Variants in RNF150 observed in about 807,000 individuals in gnomAD.
The protein encoded by RNF150 is ring finger protein 150.
A neutral mutation model predicts 39.3 loss-of-function variants in RNF150; 24 were observed. The ratio of observed to expected loss-of-function variants is 0.61; its 90% CI spans 0.44 to 0.86. The LOEUF is 0.86. Ranked by LOEUF, RNF150 falls within the 40% of genes least tolerant of loss-of-function variation. The pLI is 0.00. For missense variants in RNF150, 502 were observed against 587.8 expected (o/e 0.85, Z 1.51); for synonymous variants, 255 against 227.3 (o/e 1.12, Z -1.10).
chr4:140,913,875 A>G (rs1390518460), intron 5 of RNF150, among the ~76,000 whole-genome samples: 1 of 152,206 alleles, frequency 6.6e-6, no homozygotes, highest in Non-Finnish European at 1.5e-5. Context: ...GATTTGAGAA[A>G]ATACTTGAAA....
intron 2 of RNF150, among the ~76,000 whole-genome samples, chr4:140,953,186 G>T (rs1732608167): frequency 6.6e-6 from 1 of 152,176 alleles, no homozygotes; most frequent in South Asian, 2.1e-4. Flanking sequence ...TCAACATCAA[G>T]TCTATGAGGC....
At chr4:141,006,068 CAA>C (rs370503215) in intron 1 of RNF150, among the ~76,000 whole-genome samples, 8 of 57,676 alleles carry the variant, frequency 1.4e-4, no homozygotes, top group Non-Finnish European at 2.2e-4. Flanking sequence ...GACTCCGTCT[CAA>C]AAAAAAAAAA....
At chr4:141,210,645 GT>G (rs980139964) in intron 1 of RNF150, among the ~76,000 whole-genome samples, 10 of 151,762 alleles carry the variant, frequency 6.6e-5, no homozygotes, top group Non-Finnish European at 1.3e-4. Context: ...TGGCCCCATT[GT>G]TTTTTTTAAA....
At chr4:141,151,057 ATCT>A (rs1727288486) in intron 1 of RNF150, among the ~76,000 whole-genome samples, 1 of 151,952 alleles carries the variant, frequency 6.6e-6, no homozygotes, top group South Asian at 2.1e-4. Flanking sequence ...CTCCTGCCTC[ATCT>A]TCTCAAGCAG....
At chr4:141,032,346 A>G (rs1578651967) in intron 1 of RNF150, among the ~76,000 whole-genome samples, 1 of 152,150 alleles carries the variant, frequency 6.6e-6, no homozygotes, top group African/African-American at 2.4e-5. Flanking sequence ...AGAAGGAGTA[A>G]GTTCTGGTGA....
rs1728565365 is a variant in RNF150, at chr4:140,863,342, A to G, written c.*4919T>C. On this transcript the variant is annotated 3_prime_UTR_variant, in exon 7 of 7. Transcript: ENST00000515673. ...GCCTGAAAACATGGCAATGGTTGTA[A>G]GATGGGTTGCGATACAACTGGTGAT... The G allele has an allele frequency of 6.6e-6, 1 of 152,228 alleles. No homozygotes were observed. The highest frequency in any genetic ancestry group is 6.5e-5 in the Admixed American group (1 of 15,288). 9.4% of individuals were successfully genotyped at this position (152,228 alleles called of 1,614,324 possible). A position where few individuals can be genotyped will look rare whatever the true frequency, so the allele number is the denominator to read the frequency against.
chr4:141,030,582 A>C (rs116037840), intron 1 of RNF150, among the ~76,000 whole-genome samples: 413 of 152,326 alleles, frequency 2.7e-3, no homozygotes, highest in African/African-American at 9.6e-3. Flanking sequence ...TGAATAGATA[A>C]AATGTGGTTT....
chr4:141,144,124 A>G (rs1727163844), intron 1 of RNF150, among the ~76,000 whole-genome samples: 1 of 134,040 alleles, frequency 7.5e-6, no homozygotes, highest in African/African-American at 2.8e-5. Context: ...GCTGGGGGAA[A>G]AAAAACCCAC....
At chr4:141,175,224 G>C (rs1727789758) in intron 1 of RNF150, among the ~76,000 whole-genome samples, 1 of 152,156 alleles carries the variant, frequency 6.6e-6, no homozygotes, top group Non-Finnish European at 1.5e-5. Context: ...TGCAACCTTG[G>C]GAAATTGCTT....
chr4:140,934,818 C>T (rs1731773962), intron 4 of RNF150, among the ~76,000 whole-genome samples: 2 of 151,460 alleles, frequency 1.3e-5, no homozygotes, highest in Non-Finnish European at 2.9e-5. Context: ...CCTGGCTTTA[C>T]TTTGGGCCCT....
Position 141,207,412 on chromosome 4 carries a change from G to A in RNF150, c.-6+5382C>T, listed in dbSNP as rs540060428. ...ATGTGGGAAACACTTGACCCCATGA[G>A]TCTGTTCCTGGAGGGGGTCAAATGG... On this transcript the variant is annotated intron_variant, in intron 1 of 7. Transcript: ENST00000420921. Among the ~76,000 whole-genome samples, 234 of 152,256 alleles carry A rather than the reference G, an allele frequency of 1.5e-3. 1 individual carries two copies. Among genetic ancestry groups the A allele is most frequent in the African/African-American group, 5.2e-3 (218 of 41,536 alleles).
At chr4:141,047,881 C>T (rs183022946) in intron 1 of RNF150, among the ~76,000 whole-genome samples, 2 of 152,176 alleles carry the variant, frequency 1.3e-5, no homozygotes, top group African/African-American at 4.8e-5. Context: ...TCAAAGATTG[C>T]CAAAGTTATC....
At chr4:140,959,261 C>A (rs1284056177) in intron 2 of RNF150, among the ~76,000 whole-genome samples, 1 of 152,176 alleles carries the variant, frequency 6.6e-6, no homozygotes, top group South Asian at 2.1e-4. Context: ...AAAACCCCAA[C>A]CTTGACCCCC....
Position 140,981,142 on chromosome 4 carries a change from C to T in RNF150, c.485-13269G>A, listed in dbSNP as rs148871914. 4.1e-4 allele frequency among the ~76,000 whole-genome samples: 62 copies of T among 152,088 alleles called. No homozygotes were observed. The East Asian group carries it at 8.1e-3, about 20-fold the overall frequency. On this transcript the variant is annotated intron_variant, in intron 1 of 6. Transcript: ENST00000515673. Reference sequence around the variant, plus strand: ...TATAGTTTTCCCTATAGTAAGATGACGTATACTATAAATTCAACAAGTATT... The same window carrying T: ...TATAGTTTTCCCTATAGTAAGATGATGTATACTATAAATTCAACAAGTATT...
chr4:141,191,514 T>C (rs1225136944), intron 1 of RNF150, among the ~76,000 whole-genome samples: 2 of 152,214 alleles, frequency 1.3e-5, no homozygotes, highest in Non-Finnish European at 2.9e-5. Flanking sequence ...AAAATGTACA[T>C]TTTGTCATAT....
intron 1 of RNF150, among the ~76,000 whole-genome samples, chr4:141,019,613 A>G (rs1341478326): frequency 6.6e-6 from 1 of 152,170 alleles, no homozygotes; most frequent in East Asian, 1.9e-4. Context: ...CATATGTTTA[A>G]GAACTAAACT....
At chr4:141,002,446 A>G (rs1009430559) in intron 1 of RNF150, among the ~76,000 whole-genome samples, 2 of 152,098 alleles carry the variant, frequency 1.3e-5, no homozygotes, top group African/African-American at 2.4e-5. Flanking sequence ...GCTTTGCCAC[A>G]CTGAACGATT....
At chr4:141,155,513 C>T (rs1727376495) in intron 1 of RNF150, among the ~76,000 whole-genome samples, 1 of 152,054 alleles carries the variant, frequency 6.6e-6, no homozygotes, top group Non-Finnish European at 1.5e-5. Context: ...AAGGGTGAGA[C>T]AGGAATTTAT....
At chr4:141,103,107 G>A (rs1174018227) in intron 1 of RNF150, among the ~76,000 whole-genome samples, 1 of 152,152 alleles carries the variant, frequency 6.6e-6, no homozygotes, top group Admixed American at 6.5e-5. Context: ...TCCATCAGTT[G>A]TACTCATATT....
Sources: allele counts gnomAD v4.1 joint callset (sites outside exome capture counted in the v4.1 genomes callset), GRCh38; gene constraint gnomAD v4.1.1; transcripts MANE v1.5; gene names NCBI Gene and HGNC (gene_info 2026-07-23, HGNC 2026-07-21).